The following SRGAP2 variants were observed in gnomAD, a reference collection of about 807,000 sequenced individuals.
SRGAP2 encodes SLIT-ROBO Rho GTPase activating protein 2, also known as SLIT-ROBO Rho GTPase-activating protein 2.
In SRGAP2, 15 loss-of-function variants were observed where a neutral mutation model predicts 57.2. The ratio of observed to expected loss-of-function variants is 0.26; its 90% CI spans 0.18 to 0.40. SRGAP2 has a LOEUF of 0.40. Among genes scored for constraint, SRGAP2 ranks in the 10% least tolerant of loss-of-function variants. SRGAP2 has a pLI of 1.00. For synonymous variants in SRGAP2, 249 were observed against 248.0 expected (o/e 1.00, Z -0.04); for missense variants, 520 against 669.6 (o/e 0.78, Z 2.47).
chr1:206,269,150 A>G (rs1213381011), intron 2 of SRGAP2, among the ~76,000 whole-genome samples: 1 of 149,124 alleles, frequency 6.7e-6, no homozygotes, highest in African/African-American at 2.5e-5. Context: ...TAATGAGAGT[A>G]TGAATATGAA....
chr1:206,244,665 G>A lies in SRGAP2; in HGVS notation c.67+38628G>A, dbSNP rs550124468. On this transcript the variant is annotated intron_variant, in intron 2 of 22. Coordinates refer to ENST00000573034, the MANE Select transcript of SRGAP2 (RefSeq NM_015326.5). The stretch of plus-strand genomic sequence containing the variant: ...CCAAGCGAACTTTATGAAAGGGATC[G>A]GGTCTGTATATAAACCATTTAATTT... Among the ~76,000 whole-genome samples the A allele has an allele frequency of 8.3e-4, 126 of 151,892 alleles. No individual in the cohort carries two copies. In the East Asian group the frequency reaches 0.021, roughly 25 times the overall value.
At chr1:206,289,346 C>A (rs1192797652) in intron 2 of SRGAP2, among the ~76,000 whole-genome samples, 2 of 147,572 alleles carry the variant, frequency 1.4e-5, no homozygotes, top group Non-Finnish European at 3.0e-5. Flanking sequence ...CATCTCAGCT[C>A]ACTGCAAGCT....
intron 3 of SRGAP2, among the ~76,000 whole-genome samples, chr1:206,322,123 A>G (rs1673494725): frequency 1.3e-5 from 2 of 150,602 alleles, no homozygotes; most frequent in South Asian, 2.1e-4. Flanking sequence ...CTATGAGATC[A>G]TATCAGTATC....
At chr1:206,354,698 C>G (rs1242889122) in intron 4 of SRGAP2, among the ~76,000 whole-genome samples, 1 of 152,040 alleles carries the variant, frequency 6.6e-6, no homozygotes, top group African/African-American at 2.4e-5. Flanking sequence ...TGGTCACAAG[C>G]CAGGCTTTAA....
rs1169274733 is a variant in SRGAP2 at position 206,307,913 on chromosome 1, G to T, written c.260+4440G>T. Among the ~76,000 whole-genome samples the T allele has an allele frequency of 2.4e-4, 37 of 152,326 alleles. No homozygotes were observed. The South Asian group carries it at 5.0e-3, about 20-fold the overall frequency. Reference sequence around the variant, plus strand: ...GAAAGGGGCTCCCACAGTGCAGGGGGGGGTGCTGAAGGGCTCCTCGAATTC... The same window carrying T: ...GAAAGGGGCTCCCACAGTGCAGGGGTGGGTGCTGAAGGGCTCCTCGAATTC... On this transcript the variant is annotated intron_variant, in intron 3 of 22. Transcript: ENST00000573034.
intron 4 of SRGAP2, among the ~76,000 whole-genome samples, chr1:206,357,652 TG>T (rs1208960943): frequency 1.3e-5 from 2 of 149,928 alleles, no homozygotes; most frequent in African/African-American, 4.9e-5. Flanking sequence ...GGCGTGATCT[TG>T]GCTCACTGCA....
chr1:206,307,302 A>G (rs1391260730), intron 3 of SRGAP2, among the ~76,000 whole-genome samples: 24 of 152,384 alleles, frequency 1.6e-4, no homozygotes, highest in African/African-American at 5.3e-4. Flanking sequence ...AGCTAAACAC[A>G]GGGTGCTGAT....
chr1:206,447,558 G>A lies in SRGAP2; in HGVS notation c.2099+1259G>A, dbSNP rs370671146. ...CTGGGAGAGAAAGCTTTTTGTCACC[G>A]ACAGATGGTTGGTGGTGACTGGGGA... On this transcript the variant is annotated intron_variant, in intron 18 of 22. Transcript: ENST00000573034. 2.6e-4 allele frequency among the ~76,000 whole-genome samples: 39 copies of A among 152,294 alleles called. No individual in the cohort carries two copies. In the South Asian group the frequency reaches 7.9e-3, roughly 31 times the overall value.
intron 4 of SRGAP2, among the ~76,000 whole-genome samples, chr1:206,375,691 ACCCTGAACTC>A (rs1553344315): frequency 1.3e-5 from 2 of 151,792 alleles, no homozygotes; most frequent in African/African-American, 2.4e-5. Context: ...TCCTGACCCC[ACCCTGAACTC>A]CCCTGAACTC....
chr1:206,333,546 A>G (rs1674543701), intron 3 of SRGAP2: 6 of 877,228 alleles, frequency 6.8e-6, no homozygotes, highest in Non-Finnish European at 5.4e-6. Context: ...TTTATTTTTT[A>G]AGAGACAGGT....
At chr1:206,415,174 T>C (rs527933161) in intron 10 of SRGAP2, among the ~76,000 whole-genome samples, 3 of 152,356 alleles carry the variant, frequency 2.0e-5, no homozygotes, top group Admixed American at 6.5e-5. Flanking sequence ...GGTCTCTCAC[T>C]GGGCAGACGA....
At chr1:206,284,949 T>C (rs1327585433) in intron 2 of SRGAP2, among the ~76,000 whole-genome samples, 13 of 152,170 alleles carry the variant, frequency 8.5e-5, no homozygotes, top group African/African-American at 3.1e-4. Flanking sequence ...ATATCTGAGG[T>C]TCTAAACTGC....
intron 3 of SRGAP2, among the ~76,000 whole-genome samples, chr1:206,334,472 A>T (rs1314735590): frequency 6.6e-6 from 1 of 151,832 alleles, no homozygotes; most frequent in Non-Finnish European, 1.5e-5. Context: ...CCTCCTTTTC[A>T]TTGTTGTTAT....
chr1:206,252,322 C>G lies in SRGAP2; in HGVS notation c.67+46285C>G, dbSNP rs1167377747. Among the ~76,000 whole-genome samples the G allele has an allele frequency of 2.6e-5, 4 of 152,060 alleles. 1 individual carries two copies. In the East Asian group the frequency reaches 7.7e-4, roughly 29 times the overall value. The stretch of plus-strand genomic sequence containing the variant: ...CAGTTTAAAATTGGTGCCTTAGACG[C>G]AAGCAAAAAGATATTAGCGCAGCTT... On this transcript the variant is annotated intron_variant, in intron 2 of 22. Transcript: ENST00000573034.
At chr1:206,319,056 T>C (rs1352345722) in intron 3 of SRGAP2, among the ~76,000 whole-genome samples, 2 of 152,096 alleles carry the variant, frequency 1.3e-5, no homozygotes, top group Admixed American at 6.5e-5. Flanking sequence ...TGTTATGGGC[T>C]TTGTCTTGGA....
chr1:206,440,144 A>G (rs1662145699), intron 17 of SRGAP2, 63 bp downstream of exon 17: 4 of 755,676 alleles, frequency 5.3e-6, no homozygotes, highest in African/African-American at 3.4e-5. Context: ...AAGTTCCTCT[A>G]TGGACCTATG....
chr1:206,424,082 C>G (rs1229860065), intron 13 of SRGAP2, among the ~76,000 whole-genome samples: 1 of 151,618 alleles, frequency 6.6e-6, no homozygotes, highest in Non-Finnish European at 1.5e-5. Context: ...CGTGAGCCAC[C>G]ACGCCCGGCC....
chr1:206,355,502 T>TA (rs1676364540), intron 4 of SRGAP2, among the ~76,000 whole-genome samples: 1 of 152,102 alleles, frequency 6.6e-6, no homozygotes. Flanking sequence ...ATTTTCTAGT[T>TA]ACATTTTTTA....
At chr1:206,408,734 G>GT (rs1553358304) in intron 10 of SRGAP2, among the ~76,000 whole-genome samples, 1 of 147,518 alleles carries the variant, frequency 6.8e-6, no homozygotes, top group East Asian at 1.9e-4. Context: ...TGTAACATTT[G>GT]TTTTCTAAAT....
Sources: allele counts gnomAD v4.1 joint callset (sites outside exome capture counted in the v4.1 genomes callset), GRCh38; gene constraint gnomAD v4.1.1; transcripts MANE v1.5; gene names NCBI Gene and HGNC (gene_info 2026-07-23, HGNC 2026-07-21).